APP: variants seen among roughly 807,000 people sequenced by gnomAD.
The protein encoded by APP is amyloid beta precursor protein, also known as amyloid-beta precursor protein.
Under a neutral mutation model 101.4 loss-of-function variants are expected in APP, and 31 were observed. That is an observed-to-expected ratio of 0.31 (90% confidence interval 0.23 to 0.41). APP has a LOEUF of 0.41. Ranked by LOEUF, APP falls within the 10% of genes least tolerant of loss-of-function variation. APP has a pLI of 1.00. For synonymous variants in APP, 366 were observed against 364.4 expected, an observed-to-expected ratio of 1.00 and a Z score of -0.05; for missense variants, 839 against 1,003.7, an observed-to-expected ratio of 0.84 and a Z score of 2.22.
chr21:25,980,913 G>A (rs963346348), intron 9 of APP, among the ~76,000 whole-genome samples: 2 of 152,168 alleles, frequency 1.3e-5, no homozygotes, highest in Admixed American at 1.3e-4. Context: ...ATGAGCAAGA[G>A]CCTTTTATTG....
At chr21:25,949,891 T>C (rs1156874253) in intron 13 of APP, among the ~76,000 whole-genome samples, 2 of 152,190 alleles carry the variant, frequency 1.3e-5, no homozygotes, top group East Asian at 3.9e-4. Context: ...CTTTCATCAC[T>C]TTACTATCTG....
intron 6 of APP, among the ~76,000 whole-genome samples, chr21:26,020,745 G>A (rs2044299437): frequency 6.6e-6 from 1 of 152,022 alleles, no homozygotes; most frequent in Non-Finnish European, 1.5e-5. Context: ...ACTCTTTAAG[G>A]AACAAATGCA....
chr21:26,122,478 C>T (rs2062595640), intron 1 of APP, among the ~76,000 whole-genome samples: 1 of 152,132 alleles, frequency 6.6e-6, no homozygotes, highest in Non-Finnish European at 1.5e-5. Flanking sequence ...AGAGTGAGTA[C>T]CCACTAAGCT....
chr21:26,117,756 T>C (rs2062469453), intron 1 of APP, among the ~76,000 whole-genome samples: 1 of 152,220 alleles, frequency 6.6e-6, no homozygotes, highest in African/African-American at 2.4e-5. Flanking sequence ...TGACTGAAAC[T>C]GCAAGTGGTT....
At chr21:26,010,497 C>T (rs926531168) in intron 6 of APP, among the ~76,000 whole-genome samples, 30 of 152,078 alleles carry the variant, frequency 2.0e-4, no homozygotes, top group African/African-American at 7.2e-4. Flanking sequence ...AGCAGTGATA[C>T]AGAAGTTAGA....
chr21:26,034,298 T>C (rs184139836), intron 5 of APP, among the ~76,000 whole-genome samples: 5 of 152,320 alleles, frequency 3.3e-5, no homozygotes, highest in Non-Finnish European at 7.3e-5. Context: ...TTCAGAGATC[T>C]ATGTGAGAAT....
At chr21:25,915,041 G>C (rs2039285824) in intron 13 of APP, among the ~76,000 whole-genome samples, 1 of 152,286 alleles carries the variant, frequency 6.6e-6, no homozygotes, top group Admixed American at 6.5e-5. Flanking sequence ...CTTTGTTTCA[G>C]TGGGTCTTCA....
At chr21:26,020,972 T>C (rs2044309139) in intron 6 of APP, among the ~76,000 whole-genome samples, 1 of 150,378 alleles carries the variant, frequency 6.6e-6, no homozygotes, top group Non-Finnish European at 1.5e-5. Flanking sequence ...TACTTCCCAA[T>C]AAAACAATGT....
At chr21:26,125,384 A>G (rs954683715) in intron 1 of APP, among the ~76,000 whole-genome samples, 2 of 152,154 alleles carry the variant, frequency 1.3e-5, no homozygotes, top group Non-Finnish European at 1.5e-5. Flanking sequence ...TTGTATATTC[A>G]TGATTATTAT....
intron 1 of APP, among the ~76,000 whole-genome samples, chr21:26,147,692 T>C (rs1301125427): frequency 6.6e-6 from 1 of 152,154 alleles, no homozygotes; most frequent in East Asian, 1.9e-4. Flanking sequence ...ACTGTTAAGT[T>C]AATCCCCATT....
chr21:26,000,869 T>C (rs572232009), intron 6 of APP, among the ~76,000 whole-genome samples: 96 of 151,510 alleles, frequency 6.3e-4, no homozygotes, highest in Non-Finnish European at 1.2e-3. Flanking sequence ...TTATATATTA[T>C]ACATTAATAA....
intron 1 of APP, among the ~76,000 whole-genome samples, chr21:26,152,142 G>A (rs1007732329): frequency 4.0e-4 from 60 of 151,782 alleles, no homozygotes; most frequent in Admixed American, 1.8e-3. Context: ...AAAATTAGCC[G>A]GGCGTGGTGG....
chr21:25,952,183 T>TACACACACACAC (rs1235142196), intron 13 of APP, among the ~76,000 whole-genome samples: 10 of 120,386 alleles, frequency 8.3e-5, no homozygotes, highest in African/African-American at 2.5e-4. Context: ...GAGAGCATAT[T>TACACACACACAC]ACATACATAC....
At chr21:25,952,326 C>A (rs1282953699) in intron 13 of APP, among the ~76,000 whole-genome samples, 1 of 151,304 alleles carries the variant, frequency 6.6e-6, no homozygotes, top group Non-Finnish European at 1.5e-5. Flanking sequence ...TATACATGTG[C>A]CATGTTGGTG....
intron 5 of APP, among the ~76,000 whole-genome samples, chr21:26,027,512 C>A (rs1210759626): frequency 6.6e-6 from 1 of 152,136 alleles, no homozygotes; most frequent in Admixed American, 6.5e-5. Context: ...TAAGAAATAG[C>A]CAGTACTTCT....
At chr21:26,033,878 C>G (rs2044963301) in intron 5 of APP, among the ~76,000 whole-genome samples, 1 of 152,076 alleles carries the variant, frequency 6.6e-6, no homozygotes, top group Admixed American at 6.6e-5. Context: ...AGAATAGTTA[C>G]TAATGGTAAC....
chr21:26,072,145 C>T (rs926991893), intron 3 of APP, among the ~76,000 whole-genome samples: 9 of 152,128 alleles, frequency 5.9e-5, no homozygotes, highest in African/African-American at 2.2e-4. Context: ...ACTGGTGTAC[C>T]AAGTATGTAC....
intron 8 of APP, among the ~76,000 whole-genome samples, chr21:25,990,895 C>G (rs1264220360): frequency 6.6e-6 from 1 of 152,168 alleles, no homozygotes; most frequent in Non-Finnish European, 1.5e-5. Flanking sequence ...GCACAGTTCA[C>G]AACTGCAAAG....
chr21:25,961,484 A>G (rs1229529050), intron 11 of APP, among the ~76,000 whole-genome samples: 2 of 152,054 alleles, frequency 1.3e-5, no homozygotes, highest in African/African-American at 4.8e-5. Flanking sequence ...GTTGAGGTTA[A>G]AAAAAAGACC....
Sources: gnomAD v4.1 joint callset for allele counts (sites outside exome capture counted in the v4.1 genomes callset) on GRCh38, gnomAD v4.1.1 for gene constraint, MANE v1.5 for transcripts, NCBI Gene and HGNC (gene_info 2026-07-23, HGNC 2026-07-21) for gene names.